The following ZNF362 variants were observed in gnomAD, a reference collection of about 807,000 sequenced individuals.
The protein encoded by ZNF362 is zinc finger protein 362.
A neutral mutation model predicts 42.9 loss-of-function variants in ZNF362; 11 were observed. The ratio of observed to expected loss-of-function variants is 0.26; its 90% CI spans 0.16 to 0.42. ZNF362 has a LOEUF of 0.42. Among genes scored for constraint, ZNF362 ranks in the 20% least tolerant of loss-of-function variants. The pLI is 1.00. For missense variants in ZNF362, 362 were observed against 576.2 expected, an observed-to-expected ratio of 0.63 and a Z score of 3.81; for synonymous variants, 255 against 257.3, an observed-to-expected ratio of 0.99 and a Z score of 0.09.
At chr1:33,276,796 G>T (rs1204925034) in intron 4 of ZNF362, among the ~76,000 whole-genome samples, 2 of 152,232 alleles carry the variant, frequency 1.3e-5, no homozygotes, top group East Asian at 3.8e-4. Flanking sequence ...GTACTGGAAG[G>T]ACCCTTCTCC....
the ZNF362 span, among the ~76,000 whole-genome samples, chr1:33,168,834 C>G: frequency 6.6e-6 from 1 of 152,184 alleles, no homozygotes; most frequent in Admixed American, 6.5e-5. Flanking sequence ...ACAATTCTCC[C>G]CCTGGTGGCC....
the ZNF362 span, chr1:33,159,689 G>A: frequency 7.5e-6 from 12 of 1,605,692 alleles, no homozygotes; most frequent in South Asian, 9.9e-5. This position sits in a 1 kb window ranked among gnomAD's most constrained non-coding sequence, Gnocchi z 4.2. Flanking sequence ...GGCACTTACC[G>A]CTCGGACAGT....
intron 1 of ZNF362, among the ~76,000 whole-genome samples, chr1:33,265,468 G>A (rs1557787854): frequency 6.6e-6 from 1 of 152,046 alleles, no homozygotes; most frequent in African/African-American, 2.4e-5. Flanking sequence ...CGGAAACCCG[G>A]TCTAATTGGA....
chr1:33,181,232 C>T, the ZNF362 span: 1 of 1,565,048 alleles, frequency 6.4e-7, no homozygotes, highest in Non-Finnish European at 8.6e-7. The surrounding 1 kb of genome is among the most constrained non-coding windows in gnomAD (Gnocchi z 6.5). Flanking sequence ...TGTTGGCCAG[C>T]TTGAGGCTGG....
the ZNF362 span, among the ~76,000 whole-genome samples, chr1:33,211,583 G>A: frequency 6.6e-6 from 1 of 152,152 alleles, no homozygotes; most frequent in Non-Finnish European, 1.5e-5. Context: ...CTTCTGGTTT[G>A]CAGGGTTTCT....
At chr1:33,157,579 C>T in the ZNF362 span, among the ~76,000 whole-genome samples, 6 of 152,044 alleles carry the variant, frequency 3.9e-5, no homozygotes, top group Admixed American at 2.6e-4. Context: ...ATGTAAGATG[C>T]GTGAGGGCAG....
the ZNF362 span, among the ~76,000 whole-genome samples, chr1:33,245,025 G>A: frequency 6.6e-6 from 1 of 152,154 alleles, no homozygotes; most frequent in Non-Finnish European, 1.5e-5. Flanking sequence ...GGTCTAGTCT[G>A]GGTGAACTCA....
the ZNF362 span, among the ~76,000 whole-genome samples, chr1:33,196,690 C>A: frequency 3.9e-5 from 6 of 151,942 alleles, no homozygotes; most frequent in Admixed American, 1.3e-4. Context: ...ATACATAAAC[C>A]AGTAACAGCT....
chr1:33,169,261 G>T, the ZNF362 span, among the ~76,000 whole-genome samples: 1 of 152,230 alleles, frequency 6.6e-6, no homozygotes, highest in East Asian at 1.9e-4. Flanking sequence ...TCAGTGAAGT[G>T]CACCCCTCCC....
chr1:33,175,592 T>C, the ZNF362 span, among the ~76,000 whole-genome samples: 2 of 152,158 alleles, frequency 1.3e-5, no homozygotes, highest in Admixed American at 6.5e-5. Flanking sequence ...CCTGGGACAG[T>C]TGGCGTGTTG....
chr1:33,149,465 A>AAG, the ZNF362 span, among the ~76,000 whole-genome samples: 2 of 151,322 alleles, frequency 1.3e-5, no homozygotes, highest in East Asian at 3.9e-4. Context: ...TTTTAAAAAA[A>AAG]AAAAATACAG....
the ZNF362 span, chr1:33,159,782 G>A: frequency 4.3e-6 from 7 of 1,613,658 alleles, no homozygotes; most frequent in Admixed American, 3.3e-5. The surrounding 1 kb of genome is among the most constrained non-coding windows in gnomAD (Gnocchi z 4.2). Context: ...TGGACCTTGC[G>A]CAGCTGCTGG....
At chr1:33,287,940 G>C (rs917024542) in intron 6 of ZNF362, among the ~76,000 whole-genome samples, 3 of 151,960 alleles carry the variant, frequency 2.0e-5, no homozygotes, top group Non-Finnish European at 4.4e-5. Context: ...CATTGTTTTA[G>C]TTAAAAAACA....
chr1:33,250,829 AAAG>A, the ZNF362 span, among the ~76,000 whole-genome samples: 28 of 146,030 alleles, frequency 1.9e-4, no homozygotes, highest in South Asian at 1.5e-3. Flanking sequence ...GAGAAGAAGA[AAAG>A]AAGAAGAAAG....
chr1:33,211,217 G>A, the ZNF362 span, among the ~76,000 whole-genome samples: 1 of 152,174 alleles, frequency 6.6e-6, no homozygotes, highest in Admixed American at 6.5e-5. Context: ...ACAGATGTGA[G>A]CCACCGCGCC....
chr1:33,233,481 G>A, the ZNF362 span, among the ~76,000 whole-genome samples: 1 of 151,088 alleles, frequency 6.6e-6, no homozygotes, highest in African/African-American at 2.4e-5. Context: ...TCGGCTCACT[G>A]AAACCTCCGC....
chr1:33,169,162 C>G, the ZNF362 span, among the ~76,000 whole-genome samples: 2,312 of 152,244 alleles, frequency 0.015, 72 homozygotes, highest in African/African-American at 0.053. Flanking sequence ...GTTGGGGTGA[C>G]AGTCAGGGAC....
Position 33,299,165 on chromosome 1 carries a change from A to C in ZNF362, c.*119A>C. Reference sequence around the variant, plus strand: ...ACCAAGCTCTCTCACGACCTTCCCAATCTTCCAGAAAGCTTGGTCCGCAGA... The same window carrying C: ...ACCAAGCTCTCTCACGACCTTCCCACTCTTCCAGAAAGCTTGGTCCGCAGA... On this transcript the variant is annotated 3_prime_UTR_variant, in exon 9 of 9. Transcript: ENST00000539719. 4.0e-6 allele frequency: 3 copies of C among 750,356 alleles called. No homozygotes were observed. The highest frequency in any genetic ancestry group is 2.6e-5 in the East Asian group (1 of 37,882). The allele number at this position is 750,356 out of a possible 1,614,324, so 46.5% of individuals were successfully genotyped here.
At chr1:33,224,885 G>C in the ZNF362 span, among the ~76,000 whole-genome samples, 1 of 152,080 alleles carries the variant, frequency 6.6e-6, no homozygotes, top group African/African-American at 2.4e-5. Context: ...CAAAGACAAA[G>C]AGAAAAATCT....
Sources: gnomAD v4.1 joint callset for allele counts (sites outside exome capture counted in the v4.1 genomes callset) on GRCh38, gnomAD v4.1.1 for gene constraint, Gnocchi (gnomAD v3.1) non-coding constraint, MANE v1.5 for transcripts, NCBI Gene and HGNC (gene_info 2026-07-23, HGNC 2026-07-21) for gene names.